SNTB1: variants seen among roughly 807,000 people sequenced by gnomAD.
SNTB1 encodes syntrophin beta 1.
A neutral mutation model predicts 48.9 loss-of-function variants in SNTB1; 36 were observed. The observed-to-expected ratio is 0.74, with a 90% CI of 0.56 to 0.97. The LOEUF (loss-of-function observed/expected upper bound fraction) is 0.97, where lower values mean the gene tolerates loss of function less well. SNTB1 is among the 50% of genes least tolerant of loss of function. The probability of loss-of-function intolerance (pLI) is 0.00; values close to 1 mark genes in which losing one functional copy is unlikely to be tolerated. For synonymous variants in SNTB1, 299 were observed against 294.6 expected (o/e 1.01, Z -0.15); for missense variants, 786 against 703.4 (o/e 1.12, Z -1.33).
chr8:120,615,183 C>G (rs1288203637), intron 3 of SNTB1, among the ~76,000 whole-genome samples: 2 of 151,910 alleles, frequency 1.3e-5, no homozygotes, highest in Admixed American at 1.3e-4. Flanking sequence ...CAAAAAGATG[C>G]TAGTGCACTG....
chr8:120,692,446 C>T (rs571522586), intron 2 of SNTB1, among the ~76,000 whole-genome samples: 39 of 152,276 alleles, frequency 2.6e-4, no homozygotes, highest in Non-Finnish European at 4.6e-4. Context: ...TAAGATTCCC[C>T]ATTTGCTGGC....
At chr8:120,579,499 G>A (rs1280006096) in intron 3 of SNTB1, among the ~76,000 whole-genome samples, 3 of 152,122 alleles carry the variant, frequency 2.0e-5, no homozygotes, top group South Asian at 4.1e-4. Context: ...CAACATGGTG[G>A]AAACTCTGTC....
chr8:120,719,119 G>A (rs1818611227), intron 1 of SNTB1, among the ~76,000 whole-genome samples: 1 of 152,184 alleles, frequency 6.6e-6, no homozygotes, highest in African/African-American at 2.4e-5. Flanking sequence ...ATTGAAGGAT[G>A]CAAAGTATTG....
intron 2 of SNTB1, among the ~76,000 whole-genome samples, chr8:120,690,206 T>C (rs1818101718): frequency 6.6e-6 from 1 of 152,202 alleles, no homozygotes; most frequent in Non-Finnish European, 1.5e-5. Context: ...CTTTATAAAT[T>C]AAACTTTATC....
intron 2 of SNTB1, among the ~76,000 whole-genome samples, chr8:120,689,360 A>G (rs1818087868): frequency 6.6e-6 from 1 of 152,176 alleles, no homozygotes; most frequent in Non-Finnish European, 1.5e-5. Flanking sequence ...TAGGTGCTGA[A>G]GTTAGAGGCA....
At chr8:120,709,863 G>A (rs1033609668) in intron 1 of SNTB1, among the ~76,000 whole-genome samples, 1 of 151,940 alleles carries the variant, frequency 6.6e-6, no homozygotes, top group African/African-American at 2.4e-5. Context: ...TAAAAGCATG[G>A]GGTTGTTGTG....
chr8:120,589,806 G>T (rs1299033593), intron 3 of SNTB1, among the ~76,000 whole-genome samples: 1 of 152,044 alleles, frequency 6.6e-6, no homozygotes, highest in Non-Finnish European at 1.5e-5. Context: ...TGCCCCCTGA[G>T]GCCCTGCTTC....
chr8:120,588,609 T>C (rs1247788282), intron 3 of SNTB1, among the ~76,000 whole-genome samples: 1 of 152,170 alleles, frequency 6.6e-6, no homozygotes, highest in Non-Finnish European at 1.5e-5. Context: ...CTGACACTTC[T>C]AGTTTGCAAC....
intron 3 of SNTB1, among the ~76,000 whole-genome samples, chr8:120,606,893 T>C (rs971278995): frequency 2.0e-5 from 3 of 152,116 alleles, no homozygotes; most frequent in Non-Finnish European, 4.4e-5. Context: ...AAAAGAATAC[T>C]CTTTATCCCC....
At chr8:120,652,270 G>A (rs766672512) in intron 2 of SNTB1, among the ~76,000 whole-genome samples, 7 of 152,124 alleles carry the variant, frequency 4.6e-5, no homozygotes, top group Non-Finnish European at 8.8e-5. Flanking sequence ...AGTGGTCTGG[G>A]GGATTTGATG....
At chr8:120,655,681 T>C (rs558401418) in intron 2 of SNTB1, among the ~76,000 whole-genome samples, 1 of 152,246 alleles carries the variant, frequency 6.6e-6, no homozygotes, top group Non-Finnish European at 1.5e-5. Flanking sequence ...TGCTGTTCAA[T>C]ATCTTTTGAA....
intron 2 of SNTB1, among the ~76,000 whole-genome samples, chr8:120,636,246 T>A (rs932089683): frequency 6.6e-6 from 1 of 152,024 alleles, no homozygotes; most frequent in Non-Finnish European, 1.5e-5. Flanking sequence ...TTTTTTTTAT[T>A]TTTTTATTAT....
In SNTB1 at chr8:120,535,765, A is replaced by G. The variant is rs1290156897; in HGVS notation, c.*3112T>C. On this transcript the variant is annotated 3_prime_UTR_variant, in exon 7 of 7. Transcript: ENST00000517992. ...ACTTCTGCACTGGAAATCAGAGGTGAATATTTATTTAATTCATATATAAAT... is the reference window on the plus strand; with the variant it reads ...ACTTCTGCACTGGAAATCAGAGGTGGATATTTATTTAATTCATATATAAAT... 6.6e-6 allele frequency: 1 copy of G among 152,148 alleles called. No homozygotes were observed. The highest frequency in any genetic ancestry group is 2.4e-5 in the African/African-American group (1 of 41,428). 9.4% of individuals were successfully genotyped at this position (152,148 alleles called of 1,614,324 possible).
chr8:120,811,752 C>A lies in SNTB1; in HGVS notation c.92G>T (p.Arg31Leu). 1 of 1,544,074 alleles carries A rather than the reference C, an allele frequency of 6.5e-7. No homozygotes were observed. The highest frequency in any genetic ancestry group is 8.7e-7 in the Non-Finnish European group (1 of 1,149,022). ...QRSGLLEVLV[R>L]DRWHKVLVNL... is the part of the protein sequence containing the mutation. ...CACCAGAACTTTGTGCCAGCGATCC[C>A]GCACCAAAACTTCCAGCAGCCCGCT... is the stretch of plus-strand genomic sequence containing the variant. Residue 31 changes from arginine (R) to leucine (L), a missense_variant, in exon 1 of 7, where the codon CGG becomes CTG. Arg to Leu is a moderately radical substitution (Grantham distance 102, BLOSUM62 -2). Coordinates refer to ENST00000517992, the MANE Select transcript of SNTB1 (RefSeq NM_021021.4).
At chr8:120,679,983 T>A (rs2129814638) in intron 2 of SNTB1, among the ~76,000 whole-genome samples, 1 of 152,304 alleles carries the variant, frequency 6.6e-6, no homozygotes, top group African/African-American at 2.4e-5. Context: ...TATAGAACTA[T>A]ATTTTTTCTT....
intron 3 of SNTB1, among the ~76,000 whole-genome samples, chr8:120,578,279 A>G (rs1398960147): frequency 6.6e-6 from 1 of 151,404 alleles, no homozygotes; most frequent in African/African-American, 2.4e-5. Flanking sequence ...TGACCTCATG[A>G]TCTGCCTGCC....
At chr8:120,577,633 T>C (rs986035658) in intron 3 of SNTB1, among the ~76,000 whole-genome samples, 2 of 152,242 alleles carry the variant, frequency 1.3e-5, no homozygotes, top group Non-Finnish European at 2.9e-5. Flanking sequence ...CCTAGTCAGA[T>C]GCAATCCATT....
chr8:120,754,746 A>G (rs769493407), intron 1 of SNTB1, among the ~76,000 whole-genome samples: 7 of 152,194 alleles, frequency 4.6e-5, no homozygotes, highest in East Asian at 1.9e-4. Context: ...CCTTCAGTGT[A>G]CTGTCTGTGC....
At chr8:120,627,567 C>G (rs1816905119) in intron 3 of SNTB1, among the ~76,000 whole-genome samples, 1 of 152,094 alleles carries the variant, frequency 6.6e-6, no homozygotes, top group South Asian at 2.1e-4. Flanking sequence ...TGTTTTTCTT[C>G]TTTTAGAGTC....
Sources: allele counts gnomAD v4.1 joint callset (sites outside exome capture counted in the v4.1 genomes callset), GRCh38; gene constraint gnomAD v4.1.1; transcripts MANE v1.5; gene names NCBI Gene and HGNC (gene_info 2026-07-23, HGNC 2026-07-21).